The following GTF2E2 variants were observed in gnomAD, a reference collection of about 807,000 sequenced individuals.
GTF2E2 encodes the protein general transcription factor IIE subunit 2.
Under a neutral mutation model 40.5 loss-of-function variants are expected in GTF2E2, and 21 were observed. The observed-to-expected ratio is 0.52, with a 90% CI of 0.37 to 0.75. The LOEUF (loss-of-function observed/expected upper bound fraction) is 0.75. Among genes scored for constraint, GTF2E2 ranks in the 30% least tolerant of loss-of-function variants. The pLI, the probability that GTF2E2 is intolerant of heterozygous loss-of-function variation, is 0.00. For synonymous variants in GTF2E2, 117 were observed against 121.6 expected, an observed-to-expected ratio of 0.96 and a Z score of 0.25; for missense variants, 298 against 338.4, an observed-to-expected ratio of 0.88 and a Z score of 0.94.
chr8:30,605,417 G>A (rs540455877), intron 6 of GTF2E2, among the ~76,000 whole-genome samples: 1 of 152,204 alleles, frequency 6.6e-6, no homozygotes, highest in East Asian at 1.9e-4. Flanking sequence ...GGAAAAAACT[G>A]AAGAATCCAA....
At chr8:30,596,793 T>C (rs1829020136) in intron 6 of GTF2E2, 1 of 152,182 alleles carries the variant, frequency 6.6e-6, no homozygotes, top group Non-Finnish European at 1.5e-5. Flanking sequence ...TTCTGCCAGA[T>C]CTTTAGTGTG....
In GTF2E2 at chr8:30,658,201, G is replaced by A. The variant is rs574880071; in HGVS notation, c.-233C>T. 2 of 183,010 alleles carry A rather than the reference G, an allele frequency of 1.1e-5. No individual in the cohort carries two copies. Among genetic ancestry groups the A allele is most frequent in the East Asian group, 1.8e-4 (1 of 5,614 alleles). The allele number at this position is 183,010 out of a possible 1,614,324, so 11.3% of individuals were successfully genotyped here. ...AGGCGGCGACTGGACCCGGGACTCCGCCCGCCACTTCCCGATCGGGTGCTA... is the reference window on the plus strand; with the variant it reads ...AGGCGGCGACTGGACCCGGGACTCCACCCGCCACTTCCCGATCGGGTGCTA... On this transcript the variant is annotated 5_prime_UTR_variant, in exon 1 of 8. Transcript: ENST00000355904.
intron 2 of GTF2E2, among the ~76,000 whole-genome samples, chr8:30,652,151 CTGTG>C (rs1802301031): frequency 6.6e-6 from 1 of 152,038 alleles, no homozygotes; most frequent in Admixed American, 6.6e-5. Context: ...TTTTCATGAC[CTGTG>C]TCAGGCAAAG....
chr8:30,618,022 G>T (rs1329779001), intron 3 of GTF2E2, among the ~76,000 whole-genome samples: 1 of 152,118 alleles, frequency 6.6e-6, no homozygotes, highest in African/African-American at 2.4e-5. Flanking sequence ...ACTTAGGCTG[G>T]GCACAGTGGC....
intron 3 of GTF2E2, among the ~76,000 whole-genome samples, chr8:30,627,939 T>A (rs1801334802): frequency 6.6e-6 from 1 of 152,114 alleles, no homozygotes; most frequent in African/African-American, 2.4e-5. Flanking sequence ...TTGAACAAGT[T>A]TAGAAAAAAA....
intron 1 of GTF2E2, among the ~76,000 whole-genome samples, chr8:30,654,897 C>T (rs1189039727): frequency 6.6e-6 from 1 of 152,124 alleles, no homozygotes; most frequent in African/African-American, 2.4e-5. Context: ...CTGGTGAACT[C>T]TCAATTATTA....
chr8:30,651,632 T>C (rs1369278874), intron 2 of GTF2E2, among the ~76,000 whole-genome samples: 2 of 152,148 alleles, frequency 1.3e-5, no homozygotes, highest in Non-Finnish European at 2.9e-5. Flanking sequence ...GACTGGAAGA[T>C]CTAATATTGT....
At chr8:30,620,118 C>A (rs1801043341) in intron 3 of GTF2E2, among the ~76,000 whole-genome samples, 1 of 151,944 alleles carries the variant, frequency 6.6e-6, no homozygotes, top group Admixed American at 6.6e-5. Context: ...GACTTTAGCC[C>A]AGCAAGTCTG....
intron 6 of GTF2E2, among the ~76,000 whole-genome samples, chr8:30,599,235 C>A (rs1263845024): frequency 6.6e-6 from 1 of 151,944 alleles, no homozygotes. Context: ...AATGTACACA[C>A]AGCACTATCT....
At chr8:30,602,178 C>T (rs897394317) in intron 6 of GTF2E2, among the ~76,000 whole-genome samples, 1 of 151,876 alleles carries the variant, frequency 6.6e-6, no homozygotes, top group Admixed American at 6.6e-5. Context: ...CCAGCATGTC[C>T]GGCTAATTTT....
chr8:30,618,453 G>A (rs550606898), intron 3 of GTF2E2, among the ~76,000 whole-genome samples: 6 of 152,198 alleles, frequency 3.9e-5, no homozygotes, highest in Admixed American at 6.5e-5. Flanking sequence ...GGCGGGCCTG[G>A]GAATCTCACA....
At chr8:30,594,545 A>T (rs960658634) in intron 6 of GTF2E2, among the ~76,000 whole-genome samples, 11 of 150,504 alleles carry the variant, frequency 7.3e-5, no homozygotes, top group Non-Finnish European at 1.3e-4. Context: ...AGCTGCAGGA[A>T]TGGATCTTTA....
At chr8:30,592,684 T>C (rs1828884424) in intron 6 of GTF2E2, among the ~76,000 whole-genome samples, 1 of 152,368 alleles carries the variant, frequency 6.6e-6, no homozygotes, top group East Asian at 1.9e-4. Context: ...ATAGTTATAC[T>C]GTATTGTTTA....
intron 6 of GTF2E2, among the ~76,000 whole-genome samples, chr8:30,594,406 C>T (rs182812659): frequency 1.1e-4 from 16 of 151,584 alleles, no homozygotes; most frequent in Non-Finnish European, 1.9e-4. Context: ...TACTGGCACG[C>T]ACCACCACGC....
intron 6 of GTF2E2, 103 bp from the exon 7 acceptor site, chr8:30,580,499 G>T: frequency 1.4e-6 from 1 of 698,938 alleles, no homozygotes; most frequent in East Asian, 2.6e-5. Flanking sequence ...ATCCAAATGA[G>T]CACATCTGAT....
At chr8:30,585,960 T>G (rs1828670116) in intron 6 of GTF2E2, among the ~76,000 whole-genome samples, 1 of 151,948 alleles carries the variant, frequency 6.6e-6, no homozygotes, top group Non-Finnish European at 1.5e-5. Flanking sequence ...TGTTCACTTG[T>G]AGTCCCAGCT....
intron 2 of GTF2E2, among the ~76,000 whole-genome samples, chr8:30,647,017 G>C (rs1233597867): frequency 1.0e-5 from 1 of 100,140 alleles, no homozygotes. Flanking sequence ...CAACCGAAAA[G>C]TCTGGCAAGA....
At chr8:30,582,067 A>C in intron 6 of GTF2E2, among the ~76,000 whole-genome samples, 1 of 152,222 alleles carries the variant, frequency 6.6e-6, no homozygotes, top group East Asian at 1.9e-4. Context: ...ACTGGAAAGC[A>C]GTGGCGCAAT....
chr8:30,624,395 T>C (rs1168923172), intron 3 of GTF2E2, among the ~76,000 whole-genome samples: 1 of 152,146 alleles, frequency 6.6e-6, no homozygotes, highest in Admixed American at 6.5e-5. Flanking sequence ...ACCAGTACCA[T>C]GCTGTTTTGG....
Sources: allele counts gnomAD v4.1 joint callset (sites outside exome capture counted in the v4.1 genomes callset), GRCh38; gene constraint gnomAD v4.1.1; transcripts MANE v1.5; gene names NCBI Gene and HGNC (gene_info 2026-07-23, HGNC 2026-07-21).